The following TEAD1 variants were observed in gnomAD, a reference collection of about 807,000 sequenced individuals.
The protein encoded by TEAD1 is transcriptional enhancer factor TEF-1.
A neutral mutation model predicts 54.9 loss-of-function variants in TEAD1; 9 were observed. The observed-to-expected ratio is 0.16, with a 90% CI of 0.10 to 0.29. The LOEUF is 0.29. Ranked by LOEUF, TEAD1 falls within the 10% of genes least tolerant of loss-of-function variation. The pLI is 1.00. For synonymous variants in TEAD1, 200 were observed against 187.8 expected (o/e 1.07, Z -0.53); for missense variants, 387 against 535.9 (o/e 0.72, Z 2.74).
Position 12,881,892 on chromosome 11 carries a change from C to G in TEAD1, c.513-4C>G, listed in dbSNP as rs1376251001. 1 of 1,614,038 alleles carries G rather than the reference C, an allele frequency of 6.2e-7. No individual in the cohort carries two copies. Among genetic ancestry groups the G allele is most frequent in the African/African-American group, 1.3e-5 (1 of 74,916 alleles). Reference sequence around the variant, plus strand: ...AACTCTGTCTGCCATCTCTCTGTTCCCAGCGTCAAGCCTTTTGTGCAGCAG... The same window carrying G: ...AACTCTGTCTGCCATCTCTCTGTTCGCAGCGTCAAGCCTTTTGTGCAGCAG... On this transcript the variant is annotated splice_region_variant and splice_polypyrimidine_tract_variant and intron_variant, in intron 7 of 12. Transcript: ENST00000527636.
intron 5 of TEAD1, among the ~76,000 whole-genome samples, chr11:12,867,863 A>G (rs562043380): frequency 1.3e-5 from 2 of 152,314 alleles, no homozygotes; most frequent in Non-Finnish European, 1.5e-5. Context: ...GAAGTATCCA[A>G]GCTTAAAAGA....
At chr11:12,904,584 T>C (rs1272274607) in intron 10 of TEAD1, among the ~76,000 whole-genome samples, 1 of 152,230 alleles carries the variant, frequency 6.6e-6, no homozygotes, top group Non-Finnish European at 1.5e-5. Context: ...ACCACTGTTA[T>C]CTGAGGAGTC....
chr11:12,862,350 G>A (rs781376057), intron 4 of TEAD1, 36 bp downstream of exon 4: 8 of 1,604,582 alleles, frequency 5.0e-6, no homozygotes, highest in East Asian at 2.2e-5. Flanking sequence ...GCATGTCAGC[G>A]AATGGCCCAA....
At chr11:12,742,343 A>G (rs1399723852) in intron 2 of TEAD1, among the ~76,000 whole-genome samples, 4 of 152,214 alleles carry the variant, frequency 2.6e-5, no homozygotes, top group Non-Finnish European at 5.9e-5. Flanking sequence ...TGTGATGAGG[A>G]TGAAGTGAAA....
intron 2 of TEAD1, among the ~76,000 whole-genome samples, chr11:12,754,078 T>A (rs943359251): frequency 6.6e-6 from 1 of 152,238 alleles, no homozygotes; most frequent in African/African-American, 2.4e-5. Context: ...CTAATCTGAT[T>A]CCTTGGCCTA....
At chr11:12,748,779 G>A (rs546283104) in intron 2 of TEAD1, among the ~76,000 whole-genome samples, 88 of 152,012 alleles carry the variant, frequency 5.8e-4, no homozygotes, top group African/African-American at 2.1e-3. Flanking sequence ...CTCTGGCAGA[G>A]GGCTGAGGCA....
Position 12,806,114 on chromosome 11 carries a change from C to A in TEAD1, c.202+41680C>A, listed in dbSNP as rs566904234. Among the ~76,000 whole-genome samples, 8 of 152,188 alleles carry A rather than the reference C, an allele frequency of 5.3e-5. No individual in the cohort carries two copies. The East Asian group carries it at 1.5e-3, about 29-fold the overall frequency. ...ATGTTGAAATATTTAAAGGAAAATT[C>A]GAGTTAATACACTGTTAAATAACAT... is the stretch of plus-strand genomic sequence containing the variant. On this transcript the variant is annotated intron_variant, in intron 3 of 12. Coordinates refer to ENST00000527636, the MANE Select transcript of TEAD1 (RefSeq NM_021961.6).
chr11:12,877,137 A>G (rs1291683358), intron 5 of TEAD1, among the ~76,000 whole-genome samples: 1 of 152,234 alleles, frequency 6.6e-6, no homozygotes, highest in African/African-American at 2.4e-5. Flanking sequence ...AAGAACTGCC[A>G]TCTGATAAGA....
chr11:12,834,834 C>A (rs867908987), intron 3 of TEAD1, among the ~76,000 whole-genome samples: 75 of 150,748 alleles, frequency 5.0e-4, no homozygotes, highest in African/African-American at 1.7e-3. Context: ...CCAGGCTGGT[C>A]TCAAATTCTT....
At chr11:12,803,455 T>C (rs933835427) in intron 3 of TEAD1, among the ~76,000 whole-genome samples, 10 of 152,198 alleles carry the variant, frequency 6.6e-5, no homozygotes, top group African/African-American at 2.2e-4. Flanking sequence ...AGGTGGCTTG[T>C]TGGTAAAATA....
chr11:12,782,469 G>A (rs1042701126), intron 3 of TEAD1, among the ~76,000 whole-genome samples: 2 of 152,180 alleles, frequency 1.3e-5, no homozygotes, highest in African/African-American at 2.4e-5. Flanking sequence ...CCTGAGACTG[G>A]AGGATTTGAG....
At chr11:12,874,903 T>G (rs1564972672) in intron 5 of TEAD1, among the ~76,000 whole-genome samples, 1 of 152,282 alleles carries the variant, frequency 6.6e-6, no homozygotes, top group East Asian at 1.9e-4. Context: ...CTTTGTAATC[T>G]TAGGGATAGA....
At chr11:12,934,998 A>G (rs1434992674) in intron 12 of TEAD1, among the ~76,000 whole-genome samples, 1 of 152,082 alleles carries the variant, frequency 6.6e-6, no homozygotes, top group Non-Finnish European at 1.5e-5. Flanking sequence ...TCTGATTACT[A>G]AGAATAGGGG....
At chr11:12,694,165 T>G (rs1179104477) in intron 2 of TEAD1, among the ~76,000 whole-genome samples, 1 of 152,242 alleles carries the variant, frequency 6.6e-6, no homozygotes, top group Non-Finnish European at 1.5e-5. Context: ...GGGGCTTTAG[T>G]GTTCCAGTGA....
intron 2 of TEAD1, among the ~76,000 whole-genome samples, chr11:12,709,292 T>G (rs1217052573): frequency 6.6e-6 from 1 of 151,820 alleles, no homozygotes; most frequent in Non-Finnish European, 1.5e-5. Context: ...GAGCTGAGAT[T>G]GCACCACTGC....
intron 3 of TEAD1, among the ~76,000 whole-genome samples, chr11:12,801,937 A>G (rs1400422912): frequency 1.3e-5 from 2 of 152,218 alleles, no homozygotes; most frequent in African/African-American, 2.4e-5. Flanking sequence ...AGTTTGGCTT[A>G]ATGTAGATAT....
At chr11:12,734,605 T>C (rs1944489387) in intron 2 of TEAD1, among the ~76,000 whole-genome samples, 1 of 152,234 alleles carries the variant, frequency 6.6e-6, no homozygotes, top group Admixed American at 6.5e-5. Flanking sequence ...TTTAATCTTT[T>C]ATACCATATT....
intron 2 of TEAD1, among the ~76,000 whole-genome samples, chr11:12,690,977 C>G (rs1172081136): frequency 1.3e-5 from 2 of 152,170 alleles, no homozygotes; most frequent in Non-Finnish European, 2.9e-5. Context: ...TCTGAAACTC[C>G]TGGGCTCAAG....
At chr11:12,826,911 A>G (rs1475436703) in intron 3 of TEAD1, among the ~76,000 whole-genome samples, 1 of 152,120 alleles carries the variant, frequency 6.6e-6, no homozygotes, top group African/African-American at 2.4e-5. Context: ...ATTGGCAGCA[A>G]ATTCTTCTTG....
Sources: allele counts gnomAD v4.1 joint callset (sites outside exome capture counted in the v4.1 genomes callset), GRCh38; gene constraint gnomAD v4.1.1; transcripts MANE v1.5; gene names NCBI Gene and HGNC (gene_info 2026-07-23, HGNC 2026-07-21).